LY75: variants seen among roughly 807,000 people sequenced by gnomAD.
LY75 encodes the protein C-type lectin domain family 13 member B.
Under a neutral mutation model 231.7 loss-of-function variants are expected in LY75, and 185 were observed. The observed-to-expected ratio is 0.80, with a 90% CI of 0.71 to 0.90. LY75 has a LOEUF of 0.90. LY75 is among the 40% of genes least tolerant of loss of function. The probability of loss-of-function intolerance (pLI) is 0.00; values close to 1 mark genes in which losing one functional copy is unlikely to be tolerated. For missense variants in LY75, 1,947 were observed against 2,050.2 expected, an observed-to-expected ratio of 0.95 and a Z score of 0.97; for synonymous variants, 668 against 689.0, an observed-to-expected ratio of 0.97 and a Z score of 0.48.
intron 13 of LY75, among the ~76,000 whole-genome samples, chr2:159,869,137 C>T (rs147072023): frequency 0.012 from 1,753 of 151,968 alleles, 19 homozygotes; most frequent in Admixed American, 0.027. Context: ...CATCACACAC[C>T]GGGACCTGTT....
intron 2 of LY75, among the ~76,000 whole-genome samples, chr2:159,895,922 C>T (rs1685897610): frequency 6.6e-6 from 1 of 152,182 alleles, no homozygotes; most frequent in African/African-American, 2.4e-5. Context: ...CATGGGCTTC[C>T]TTAGCAAGAC....
rs1215992486 is a variant in LY75, at chr2:159,804,597, T to A, written c.*447A>T. On this transcript the variant is annotated 3_prime_UTR_variant, in exon 35 of 35. Transcript: ENST00000263636. ...AAAAATGACTATTTTGAAACAATGC[T>A]GATAGAGTTTACAGTTCAATTTTTA... 1 of 153,412 alleles carries A rather than the reference T, an allele frequency of 6.5e-6. No individual in the cohort carries two copies. The highest frequency in any genetic ancestry group is 1.5e-5 in the Non-Finnish European group (1 of 68,590). The allele number at this position is 153,412 out of a possible 1,614,324, so 9.5% of individuals were successfully genotyped here.
In LY75 at chr2:159,885,251, C is replaced by G. The variant is rs1261253533; in HGVS notation, c.956G>C (p.Arg319Thr). Residue 319 changes from arginine to threonine, a missense_variant, in exon 6 of 35, where the codon AGA (arginine) becomes ACA (threonine). Transcript: ENST00000263636. ...APTIGGSSCA[R>T]MDAESGLWQS... Reference sequence around the variant, plus strand: ...CCACAGACCAGACTCAGCATCCATTCTTGCACAGCTGGAGCCACCTATAGT... The same window carrying G: ...CCACAGACCAGACTCAGCATCCATTGTTGCACAGCTGGAGCCACCTATAGT... The G allele has an allele frequency of 6.2e-7, 1 of 1,613,700 alleles. No homozygotes were observed. The highest frequency in any genetic ancestry group is 2.2e-5 in the East Asian group (1 of 44,872).
chr2:159,815,665 A>T, intron 30 of LY75, 92 bp from the exon 31 acceptor site: 1 of 1,429,024 alleles, frequency 7.0e-7, no homozygotes, highest in African/African-American at 1.5e-5. Context: ...GAAATATTAT[A>T]ATGGAATATT....
rs763847529 is a variant in LY75, at chr2:159,853,267, C to T, written c.2743+6G>A. 8.1e-6 allele frequency: 13 copies of T among 1,610,902 alleles called. No homozygotes were observed. Among genetic ancestry groups the T allele is most frequent in the Admixed American group, 1.7e-5 (1 of 59,934 alleles). ...TCAGCATTAAAGGATTTAGAATTAA[C>T]TTTACCGATAAGCCAAGTCTTGGCA... On this transcript the variant is annotated splice_donor_region_variant and intron_variant, in intron 20 of 34. Coordinates refer to ENST00000263636, the MANE Select transcript of LY75 (RefSeq NM_002349.4).
At position 159,886,419 on chromosome 2, in the gene LY75, C is replaced by T. The variant is rs371086562; in HGVS notation, c.913+1G>A. On this transcript the variant is annotated splice_donor_variant, in intron 5 of 34. Coordinates refer to ENST00000263636, the MANE Select transcript of LY75 (RefSeq NM_002349.4). LOFTEE classifies it high-confidence loss of function. Reference sequence around the variant, plus strand: ...AGAGGGGGTAGGGAAAGAGCAGTTACCTGGATCCCAGTTGAGAAAGTTTAA... The same window carrying T: ...AGAGGGGGTAGGGAAAGAGCAGTTATCTGGATCCCAGTTGAGAAAGTTTAA... The T allele has an allele frequency of 8.1e-6, 13 of 1,604,470 alleles. No individual in the cohort carries two copies. In the African/African-American group the frequency reaches 1.5e-4, roughly 18 times the overall value.
intron 11 of LY75, among the ~76,000 whole-genome samples, chr2:159,876,667 C>T (rs551563292): frequency 2.8e-4 from 42 of 152,158 alleles, no homozygotes; most frequent in Non-Finnish European, 5.4e-4. Flanking sequence ...TCTCCAACCA[C>T]CAAGACTTAG....
chr2:159,833,921 T>C, intron 27 of LY75, 123 bp downstream of exon 27: 4 of 1,117,776 alleles, frequency 3.6e-6, no homozygotes, highest in Non-Finnish European at 4.9e-6. Flanking sequence ...CCTTCTGCCA[T>C]GATTGTGAGG....
In LY75 at chr2:159,860,811, T is replaced by A; in HGVS notation, c.2268+10A>T. On this transcript the variant is annotated intron_variant, in intron 15 of 34. Transcript: ENST00000263636. ...TTTTAAATATGCAGATTTTCCAGCA[T>A]TGTACTGACCTTGACAGCAGCACAG... The A allele has an allele frequency of 6.2e-7, 1 of 1,613,834 alleles. No individual in the cohort carries two copies.
At chr2:159,856,790 A>G (rs1172979311) in intron 16 of LY75, among the ~76,000 whole-genome samples, 2 of 151,960 alleles carry the variant, frequency 1.3e-5, no homozygotes, top group African/African-American at 4.8e-5. Flanking sequence ...TAAAAAATAT[A>G]TATTAAAAAA....
chr2:159,810,199 A>G (rs556043174), intron 32 of LY75, among the ~76,000 whole-genome samples: 1 of 151,942 alleles, frequency 6.6e-6, no homozygotes, highest in South Asian at 2.1e-4. Context: ...ACACCCAGCT[A>G]ATTTTTGTAT....
chr2:159,875,454 G>GAA lies in LY75; in HGVS notation c.1962_1963dup (p.Ser655PhefsTer13), dbSNP rs1395926453. On this transcript the variant is annotated frameshift_variant, in exon 12 of 35. Transcript: ENST00000263636. LOFTEE classifies it high-confidence loss of function. ...AGAATGTCACTTTACCTTATAACAA[G>GAA]AAAGACTTGCGGGGAAACTCTGCCA... 6.2e-7 allele frequency: 1 copy of GAA among 1,612,930 alleles called. No individual in the cohort carries two copies.
At chr2:159,830,075 T>C (rs919803185) in intron 28 of LY75, among the ~76,000 whole-genome samples, 2 of 152,198 alleles carry the variant, frequency 1.3e-5, no homozygotes, top group African/African-American at 2.4e-5. Flanking sequence ...GAGAAAAGGT[T>C]TGGGCCAACT....
rs796940571 is a variant in LY75 at position 159,850,789 on chromosome 2, T to TATATATATATATATATATATAAAA, written c.2884-323_2884-322insTTTTATATATATATATATATATAT. ...TCAAACTTTCATATATATATATATA[T>TATATATATATATATATATATAAAA]ATATATATATTATATCTTATATATA... On this transcript the variant is annotated intron_variant, in intron 21 of 34. Transcript: ENST00000263636. Among the ~76,000 whole-genome samples, 213 of 88,644 alleles carry TATATATATATATATATATATAAAA rather than the reference T, an allele frequency of 2.4e-3. 5 individuals carry two copies. The East Asian group carries it at 0.031, about 13-fold the overall frequency. 58.2% of individuals were successfully genotyped at this position (88,644 alleles called of 152,430 possible).
In LY75 at chr2:159,873,606, A is replaced by G. The variant is rs982530881; in HGVS notation, c.1975-1013T>C. On this transcript the variant is annotated intron_variant, in intron 12 of 34. Transcript: ENST00000263636. ...TGGCCTGAAGATCTGTGAGAATGTG[A>G]GGCTAAATGTTTGTTGTCATAGCCA... Among the ~76,000 whole-genome samples, 6 of 152,184 alleles carry G rather than the reference A, an allele frequency of 3.9e-5. No homozygotes were observed. The South Asian group carries it at 1.2e-3, about 32-fold the overall frequency.
At chr2:159,885,365 T>G in intron 5 of LY75, 72 bp from the exon 6 acceptor site, 1 of 1,534,696 alleles carries the variant, frequency 6.5e-7, no homozygotes, top group Non-Finnish European at 8.8e-7. Flanking sequence ...AAAGAATAAT[T>G]TGTATTCCTA....
At position 159,904,745 on chromosome 2, in the gene LY75, T is replaced by C. The variant is rs905903779; in HGVS notation, c.-63A>G. On this transcript the variant is annotated 5_prime_UTR_variant, in exon 1 of 35. Coordinates refer to ENST00000263636, the MANE Select transcript of LY75 (RefSeq NM_002349.4). ...CGCACGCGGCTCCCGCCCCGCCTGC[T>C]GAGCGCGGCCTGCCCCGCCCGCACC... 7.4e-7 allele frequency: 1 copy of C among 1,348,604 alleles called. No individual in the cohort carries two copies. Among genetic ancestry groups the C allele is most frequent in the Non-Finnish European group, 9.5e-7 (1 of 1,052,356 alleles). 83.5% of individuals were successfully genotyped at this position (1,348,604 alleles called of 1,614,324 possible).
intron 30 of LY75, among the ~76,000 whole-genome samples, chr2:159,816,176 A>G (rs1478182187): frequency 6.6e-6 from 1 of 152,202 alleles, no homozygotes; most frequent in Non-Finnish European, 1.5e-5. Flanking sequence ...GTCTCAATAG[A>G]TAACCATTTT....
At chr2:159,874,852 T>TATATAC (rs1560094292) in intron 12 of LY75, among the ~76,000 whole-genome samples, 12 of 130,422 alleles carry the variant, frequency 9.2e-5, no homozygotes, top group Non-Finnish European at 9.4e-5. Context: ...TATGTAAATA[T>TATATAC]ATATATATTT....
Sources: allele counts gnomAD v4.1 joint callset (sites outside exome capture counted in the v4.1 genomes callset), GRCh38; gene constraint gnomAD v4.1.1; transcripts MANE v1.5; gene names NCBI Gene and HGNC (gene_info 2026-07-23, HGNC 2026-07-21).